PODXL: variants seen among roughly 807,000 people sequenced by gnomAD.
PODXL encodes podocalyxin.
Under a neutral mutation model 48.9 loss-of-function variants are expected in PODXL, and 20 were observed. That is an observed-to-expected ratio of 0.41 (90% CI 0.29 to 0.59). PODXL has a LOEUF of 0.59. Among genes scored for constraint, PODXL ranks in the 20% least tolerant of loss-of-function variants. The probability of loss-of-function intolerance (pLI) is 0.31; values close to 1 mark genes in which losing one functional copy is unlikely to be tolerated. For missense variants in PODXL, 606 were observed against 675.1 expected (o/e 0.90, Z 1.13); for synonymous variants, 295 against 287.4 (o/e 1.03, Z -0.27).
In PODXL at chr7:131,511,317, C is replaced by T. The variant is rs377478180; in HGVS notation, c.217G>A (p.Glu73Lys). The T allele has an allele frequency of 1.1e-5, 17 of 1,613,578 alleles. No individual in the cohort carries two copies. The highest frequency in any genetic ancestry group is 4.5e-5 in the East Asian group (2 of 44,882). ...QSTVPTSKAN[E>K]ILASVKATTL... ...GTCGCCTTGACCGAGGCCAAGATTT[C>T]GTTGGCCTTGGAAGTGGGGACTGTG... The change falls in exon 2 of 9, where the codon GAA becomes AAA. Residue 73 changes from glutamate to lysine, a missense_variant. Coordinates refer to ENST00000378555, the MANE Select transcript of PODXL (RefSeq NM_001018111.3).
chr7:131,511,548 C>A, intron 1 of PODXL, 115 bp from the exon 2 acceptor site: 1 of 1,049,272 alleles, frequency 9.5e-7, no homozygotes, highest in Non-Finnish European at 1.4e-6. Context: ...GTCTGCCTTG[C>A]TAAAGGCCTG....
At chr7:131,517,484 G>A (rs1584814231) in intron 1 of PODXL, among the ~76,000 whole-genome samples, 2 of 152,280 alleles carry the variant, frequency 1.3e-5, no homozygotes, top group East Asian at 1.9e-4. Flanking sequence ...CAGACTCAGC[G>A]TTCCTTGAAT....
At position 131,508,965 on chromosome 7, in the gene PODXL, C is replaced by T; in HGVS notation, c.1087G>A (p.Gly363Arg). 1 of 1,613,544 alleles carries T rather than the reference C, an allele frequency of 6.2e-7. No homozygotes were observed. Among genetic ancestry groups the T allele is most frequent in the Non-Finnish European group, 8.5e-7 (1 of 1,179,450 alleles). Residue 363 changes from glycine (G) to arginine (R), a missense_variant, in exon 5 of 9, where the codon GGA (glycine) becomes AGA (arginine). By Grantham distance (125) the Gly-to-Arg change is moderately radical. Transcript: ENST00000378555. ...SEKQLVLNLTGNTLCAGGASD... is the reference protein window; with the variant it reads ...SEKQLVLNLTRNTLCAGGASD... ...AAGCTACTCACACAGAGGGTGTTTC[C>T]TGTGAGGTTCAGGACGAGCTGCTTC...
intron 1 of PODXL, among the ~76,000 whole-genome samples, chr7:131,531,867 T>A (rs1798285007): frequency 6.6e-6 from 1 of 152,112 alleles, no homozygotes; most frequent in Non-Finnish European, 1.5e-5. Flanking sequence ...ATCCCGCACT[T>A]TGGGAGGCCG....
intron 1 of PODXL, among the ~76,000 whole-genome samples, chr7:131,546,366 C>A (rs920181313): frequency 6.6e-6 from 1 of 152,180 alleles, no homozygotes; most frequent in Non-Finnish European, 1.5e-5. Flanking sequence ...TGGAAGACTG[C>A]ATTTAACCAC....
chr7:131,546,269 C>A (rs1321573710), intron 1 of PODXL, among the ~76,000 whole-genome samples: 2 of 152,082 alleles, frequency 1.3e-5, no homozygotes, highest in East Asian at 1.9e-4. Flanking sequence ...GATCCCAGGG[C>A]TAGGAGGGAG....
intron 1 of PODXL, among the ~76,000 whole-genome samples, chr7:131,552,130 G>C (rs1798677786): frequency 1.3e-5 from 2 of 152,158 alleles, no homozygotes; most frequent in African/African-American, 2.4e-5. Flanking sequence ...CTTCCAGGGA[G>C]CCTAAAGCCA....
intron 1 of PODXL, among the ~76,000 whole-genome samples, chr7:131,531,338 G>A (rs181055321): frequency 4.6e-4 from 70 of 152,308 alleles, no homozygotes; most frequent in African/African-American, 1.7e-3. Context: ...CCAACCAGAT[G>A]TTGATGCCTC....
intron 1 of PODXL, among the ~76,000 whole-genome samples, chr7:131,540,403 C>G (rs1317942408): frequency 6.6e-6 from 1 of 151,972 alleles, no homozygotes; most frequent in Middle Eastern, 3.2e-3. Flanking sequence ...AGGCCCCACC[C>G]CAGGTCAGAG....
At chr7:131,539,842 C>CT (rs1396982128) in intron 1 of PODXL, among the ~76,000 whole-genome samples, 1 of 152,132 alleles carries the variant, frequency 6.6e-6, no homozygotes, top group Non-Finnish European at 1.5e-5. Context: ...GACATGCTGC[C>CT]TCACTCACAT....
chr7:131,529,668 C>T (rs376039989), intron 1 of PODXL, among the ~76,000 whole-genome samples: 2 of 152,118 alleles, frequency 1.3e-5, no homozygotes, highest in Non-Finnish European at 2.9e-5. Flanking sequence ...ATGTGTTCCT[C>T]GATTGGTGTG....
chr7:131,534,753 T>C (rs1798342339), intron 1 of PODXL, among the ~76,000 whole-genome samples: 1 of 152,178 alleles, frequency 6.6e-6, no homozygotes, highest in African/African-American at 2.4e-5. Flanking sequence ...TATTAAAAGA[T>C]ATTTTAATAC....
rs533129393 is a variant in PODXL at position 131,550,801 on chromosome 7, G to A, written c.100+5459C>T. Among the ~76,000 whole-genome samples, 446 of 150,680 alleles carry A rather than the reference G, an allele frequency of 3.0e-3. 5 individuals are homozygous for A. The highest frequency in any genetic ancestry group is 1.0e-2 in the African/African-American group (404 of 40,546). ...TACATGCACGCACACACACACACAC[G>A]CACACACACGTGTGCACACCCACCT... On this transcript the variant is annotated intron_variant, in intron 1 of 8. Coordinates refer to ENST00000378555, the MANE Select transcript of PODXL (RefSeq NM_001018111.3).
intron 1 of PODXL, among the ~76,000 whole-genome samples, chr7:131,522,571 C>T (rs950091088): frequency 4.6e-5 from 7 of 152,150 alleles, no homozygotes; most frequent in East Asian, 3.9e-4. Flanking sequence ...TTTGCAGCCC[C>T]GGGTGCACCG....
chr7:131,532,520 A>AGC (rs1798298995), intron 1 of PODXL, among the ~76,000 whole-genome samples: 3 of 148,836 alleles, frequency 2.0e-5, no homozygotes, highest in African/African-American at 4.9e-5. Context: ...TTTTTTTTGG[A>AGC]GGGGGGGTAC....
intron 1 of PODXL, among the ~76,000 whole-genome samples, chr7:131,547,491 C>T (rs1798599358): frequency 6.6e-6 from 1 of 151,728 alleles, no homozygotes; most frequent in Non-Finnish European, 1.5e-5. Context: ...TACCTATTTT[C>T]CCGCTGGAGA....
At chr7:131,512,076 G>T (rs543262808) in intron 1 of PODXL, among the ~76,000 whole-genome samples, 1 of 152,334 alleles carries the variant, frequency 6.6e-6, no homozygotes, top group Admixed American at 6.5e-5. Flanking sequence ...TCTCATGGAA[G>T]TTATATCTAG....
intron 1 of PODXL, among the ~76,000 whole-genome samples, chr7:131,543,292 A>C (rs774619505): frequency 2.6e-5 from 4 of 151,936 alleles, no homozygotes; most frequent in Admixed American, 2.6e-4. Context: ...TGCTTGACTA[A>C]TTTTTAAACT....
At position 131,550,981 on chromosome 7, in the gene PODXL, C is replaced by A. The variant is rs377659469; in HGVS notation, c.100+5279G>T. On this transcript the variant is annotated intron_variant, in intron 1 of 8. Transcript: ENST00000378555. ...TTCTGTGTCCTATGATTTTCTGGCT[C>A]ATTTAGAAGTGGTGTGGAAAGTACC... Among the ~76,000 whole-genome samples the A allele has an allele frequency of 1.5e-4, 23 of 152,272 alleles. No individual in the cohort carries two copies. The East Asian group carries it at 2.1e-3, about 14-fold the overall frequency.
Sources: gnomAD v4.1 joint callset for allele counts (sites outside exome capture counted in the v4.1 genomes callset) on GRCh38, gnomAD v4.1.1 for gene constraint, MANE v1.5 for transcripts, NCBI Gene and HGNC (gene_info 2026-07-23, HGNC 2026-07-21) for gene names.